The following WWOX variants were observed in gnomAD, a reference collection of about 807,000 sequenced individuals.
WWOX encodes WW domain containing oxidoreductase, also known as WW domain-containing oxidoreductase.
WWOX carries 69 observed loss-of-function variants against 46.2 expected under a neutral mutation model. That is an observed-to-expected ratio of 1.49 (90% CI 1.23 to 1.82). WWOX has a LOEUF of 1.82. Ranked by LOEUF, WWOX falls within the 40% of genes most tolerant of loss-of-function variation. The pLI is 0.00. For missense variants in WWOX, 919 were observed against 542.6 expected (o/e 1.69, Z -6.89); for synonymous variants, 359 against 202.6 (o/e 1.77, Z -6.56).
intron 8 of WWOX, among the ~76,000 whole-genome samples, chr16:78,956,798 A>AG (rs895062668): frequency 1.3e-5 from 2 of 152,184 alleles, no homozygotes; most frequent in African/African-American, 4.8e-5. Context: ...GGAAACAAAG[A>AG]GGGCAACAGG....
At chr16:78,323,495 T>A (rs2080536505) in intron 5 of WWOX, among the ~76,000 whole-genome samples, 1 of 151,944 alleles carries the variant, frequency 6.6e-6, no homozygotes, top group African/African-American at 2.4e-5. Flanking sequence ...GTTTCTGCTT[T>A]TTCTACCCTC....
At chr16:78,283,234 C>G (rs2079711025) in intron 5 of WWOX, among the ~76,000 whole-genome samples, 2 of 152,030 alleles carry the variant, frequency 1.3e-5, no homozygotes, top group Admixed American at 1.3e-4. Context: ...TCAAAAATCA[C>G]TCCATCCATG....
chr16:78,441,335 A>G (rs2083439560), intron 8 of WWOX, among the ~76,000 whole-genome samples: 1 of 152,224 alleles, frequency 6.6e-6, no homozygotes, highest in Non-Finnish European at 1.5e-5. Context: ...TTGTAAATGA[A>G]TACATGAAAG....
At chr16:78,739,568 T>C (rs111422489) in intron 8 of WWOX, among the ~76,000 whole-genome samples, 36 of 152,230 alleles carry the variant, frequency 2.4e-4, no homozygotes, top group African/African-American at 8.4e-4. Context: ...TCCAGCACTT[T>C]GGGAGGCTGA....
chr16:78,938,658 T>C (rs1483117675), intron 8 of WWOX, among the ~76,000 whole-genome samples: 1 of 152,180 alleles, frequency 6.6e-6, no homozygotes, highest in Non-Finnish European at 1.5e-5. Flanking sequence ...GCATTTACTG[T>C]GTACTAACTA....
At chr16:78,863,557 AT>A (rs2043939016) in intron 8 of WWOX, among the ~76,000 whole-genome samples, 1 of 152,174 alleles carries the variant, frequency 6.6e-6, no homozygotes, top group South Asian at 2.1e-4. Flanking sequence ...ATCTTTCGGC[AT>A]TGTGGCTCCC....
intron 8 of WWOX, among the ~76,000 whole-genome samples, chr16:78,493,076 T>A (rs1274774878): frequency 6.6e-6 from 1 of 152,148 alleles, no homozygotes; most frequent in African/African-American, 2.4e-5. Flanking sequence ...ACTAGCCCCC[T>A]GTACAGCACA....
chr16:78,285,482 A>T (rs2079752052), intron 5 of WWOX, among the ~76,000 whole-genome samples: 1 of 151,992 alleles, frequency 6.6e-6, no homozygotes, highest in Non-Finnish European at 1.5e-5. Flanking sequence ...AGGGATTACG[A>T]CCCTCATGTG....
chr16:78,369,448 G>A (rs2081614002), intron 5 of WWOX, among the ~76,000 whole-genome samples: 1 of 152,108 alleles, frequency 6.6e-6, no homozygotes, highest in South Asian at 2.1e-4. Flanking sequence ...AAAATAAAGA[G>A]TTTAAGAATG....
At chr16:78,390,051 C>G (rs1422027998) in intron 6 of WWOX, among the ~76,000 whole-genome samples, 4 of 152,156 alleles carry the variant, frequency 2.6e-5, no homozygotes, top group Admixed American at 6.5e-5. Flanking sequence ...CCGACCCTTT[C>G]ATTTTAAATG....
intron 8 of WWOX, among the ~76,000 whole-genome samples, chr16:78,445,244 C>T (rs920901271): frequency 3.9e-5 from 6 of 152,104 alleles, no homozygotes; most frequent in Non-Finnish European, 7.4e-5. Context: ...CCATCTATTT[C>T]CACAAAGGAT....
intron 5 of WWOX, among the ~76,000 whole-genome samples, chr16:78,193,822 A>T (rs71396162): frequency 0.18 from 20,505 of 114,246 alleles, 1,729 homozygotes; most frequent in Non-Finnish European, 0.24. Context: ...ATTTTTATTT[A>T]TTATTATTAT....
At chr16:79,078,967 T>C (rs1184105145) in intron 8 of WWOX, among the ~76,000 whole-genome samples, 1 of 152,136 alleles carries the variant, frequency 6.6e-6, no homozygotes, top group Non-Finnish European at 1.5e-5. Context: ...AAGTTATTTT[T>C]CCCCCCAAAT....
At chr16:78,542,371 A>G (rs2043919497) in intron 8 of WWOX, among the ~76,000 whole-genome samples, 1 of 152,036 alleles carries the variant, frequency 6.6e-6, no homozygotes, top group East Asian at 2.0e-4. Context: ...AAATTAGGAG[A>G]GAGAGGCAAT....
intron 5 of WWOX, among the ~76,000 whole-genome samples, chr16:78,236,100 G>A (rs563589384): frequency 7.2e-5 from 11 of 152,316 alleles, no homozygotes; most frequent in Admixed American, 2.6e-4. Context: ...GATTCAGCCC[G>A]TGGGCCATAG....
At chr16:78,736,234 G>A (rs754412801) in intron 8 of WWOX, among the ~76,000 whole-genome samples, 5 of 152,152 alleles carry the variant, frequency 3.3e-5, no homozygotes, top group East Asian at 1.9e-4. Context: ...AACTTGACCC[G>A]CTTGAGGCCA....
intron 8 of WWOX, among the ~76,000 whole-genome samples, chr16:78,626,405 A>T (rs1013473334): frequency 5.3e-5 from 8 of 152,064 alleles, no homozygotes; most frequent in Non-Finnish European, 1.0e-4. Context: ...AGCTTTGAGG[A>T]GTGCTGGTTG....
chr16:78,433,131 A>G (rs2083262741), intron 8 of WWOX, among the ~76,000 whole-genome samples: 1 of 152,234 alleles, frequency 6.6e-6, no homozygotes, highest in Admixed American at 6.5e-5. Context: ...GGTAAACAAC[A>G]AACATTGGTG....
At position 78,173,895 on chromosome 16, in the gene WWOX, T is replaced by C. The variant is rs1073253; in HGVS notation, c.516+9606T>C. On this transcript the variant is annotated intron_variant, in intron 5 of 8. Transcript: ENST00000566780. ...TGTTGAGTTCTTAGTGAGGTCCCTCTTTCTGGTTTTTAAGTAGCCTGTTTC... is the reference window on the plus strand; with the variant it reads ...TGTTGAGTTCTTAGTGAGGTCCCTCCTTCTGGTTTTTAAGTAGCCTGTTTC... Among the ~76,000 whole-genome samples, 971 of 152,256 alleles carry C rather than the reference T, an allele frequency of 6.4e-3. 9 individuals carry two copies. The highest frequency in any genetic ancestry group is 0.022 in the African/African-American group (925 of 41,548).
Sources: allele counts gnomAD v4.1 joint callset (sites outside exome capture counted in the v4.1 genomes callset), GRCh38; gene constraint gnomAD v4.1.1; transcripts MANE v1.5; gene names NCBI Gene and HGNC (gene_info 2026-07-23, HGNC 2026-07-21).